The following C7 variants were observed in gnomAD, a reference collection of about 807,000 sequenced individuals.
C7 encodes the protein complement component C7.
C7 carries 83 observed loss-of-function variants against 104.8 expected under a neutral mutation model. The ratio of observed to expected loss-of-function variants is 0.79; its 90% CI spans 0.66 to 0.95. The LOEUF is 0.95. C7 is among the 40% of genes least tolerant of loss of function. The pLI is 0.00. For missense variants in C7, 1,070 were observed against 1,011.2 expected, an observed-to-expected ratio of 1.06 and a Z score of -0.79; for synonymous variants, 415 against 360.6, an observed-to-expected ratio of 1.15 and a Z score of -1.71.
rs1422867128 is a variant in C7, at chr5:40,910,796, AAAAAAAAAAC to A, written c.6+1190_6+1199del. 2.0e-5 allele frequency among the ~76,000 whole-genome samples: 3 copies of A among 149,236 alleles called. No individual in the cohort carries two copies. In the East Asian group the frequency reaches 5.8e-4, roughly 29 times the overall value. On this transcript the variant is annotated intron_variant, in intron 1 of 17. Transcript: ENST00000313164. ...AATAAGGTGAGACTCTCTCTCAAAA[AAAAAAAAAAC>A]AAAAAAAAAACAAGAAAAGAAAATG...
chr5:40,910,220 C>T (rs977817046), intron 1 of C7, among the ~76,000 whole-genome samples: 1 of 151,958 alleles, frequency 6.6e-6, no homozygotes, highest in African/African-American at 2.4e-5. Context: ...CAAAACACAA[C>T]CAAAAAGCTA....
At chr5:40,943,781 A>G (rs1739992608) in intron 6 of C7, among the ~76,000 whole-genome samples, 1 of 152,122 alleles carries the variant, frequency 6.6e-6, no homozygotes, top group African/African-American at 2.4e-5. Context: ...AACCAATTTC[A>G]TAATGTGATG....
At chr5:40,950,922 G>A (rs1245931197) in intron 9 of C7, among the ~76,000 whole-genome samples, 1 of 152,128 alleles carries the variant, frequency 6.6e-6, no homozygotes, top group Non-Finnish European at 1.5e-5. Flanking sequence ...TAGACTGTGA[G>A]GGTACCATGT....
chr5:40,926,687 A>G (rs1347175075), intron 1 of C7, among the ~76,000 whole-genome samples: 2 of 152,230 alleles, frequency 1.3e-5, no homozygotes, highest in Non-Finnish European at 2.9e-5. Context: ...TTTAGGAATA[A>G]ATTTAACCAA....
chr5:40,958,226 C>A lies in C7; in HGVS notation c.1454C>A (p.Ala485Glu). 1.2e-6 allele frequency: 2 copies of A among 1,611,178 alleles called. No individual in the cohort carries two copies. Among genetic ancestry groups the A allele is most frequent in the African/African-American group, 1.3e-5 (1 of 74,986 alleles). The change falls in exon 11 of 18, where the codon GCG becomes GAG. Residue 485 changes from alanine to glutamate, a missense_variant. Ala to Glu is a moderately radical substitution (Grantham distance 107). Coordinates refer to ENST00000313164, the MANE Select transcript of C7 (RefSeq NM_000587.4). ...CHCKPYTFGA[A>E]CEQGVLVGNQ... ...TGCAAACCGTACACATTTGGTGCGG[C>A]GTGTGAGCAAGGAGTCCTCGTAGGG...
chr5:40,949,201 A>C (rs1375355612), intron 8 of C7, among the ~76,000 whole-genome samples: 1 of 152,086 alleles, frequency 6.6e-6, no homozygotes, highest in Non-Finnish European at 1.5e-5. Context: ...TTTTCCTAAA[A>C]TTTTTATTTA....
intron 6 of C7, among the ~76,000 whole-genome samples, chr5:40,940,278 A>T (rs958633914): frequency 2.0e-5 from 3 of 152,192 alleles, no homozygotes; most frequent in Non-Finnish European, 4.4e-5. Context: ...TTGTCGAGTA[A>T]GCTACTTAAC....
intron 1 of C7, among the ~76,000 whole-genome samples, chr5:40,922,378 A>C (rs1739457661): frequency 7.5e-6 from 1 of 132,780 alleles, no homozygotes; most frequent in African/African-American, 3.4e-5. Context: ...CTGTCTCAAA[A>C]AAAAAAAAAA....
intron 15 of C7, 76 bp downstream of exon 15, chr5:40,972,670 C>G: frequency 8.6e-7 from 1 of 1,159,064 alleles, no homozygotes; most frequent in South Asian, 1.5e-5. Context: ...CTTCATGGTA[C>G]TGTATCACCA....
intron 3 of C7, 145 bp downstream of exon 3, chr5:40,931,284 T>C (rs1479817814): frequency 3.1e-6 from 2 of 640,074 alleles, no homozygotes; most frequent in Non-Finnish European, 2.8e-6. Context: ...GAGAAAAGTA[T>C]GACTTGTTTA....
In C7 at chr5:40,958,591, T is replaced by C. The variant is rs560119339; in HGVS notation, c.1489+330T>C. Among the ~76,000 whole-genome samples the C allele has an allele frequency of 4.6e-5, 7 of 152,362 alleles. No homozygotes were observed. The East Asian group carries it at 1.4e-3, about 29-fold the overall frequency. ...CAAAGGTCTGTGGAGCTTGTATATTTGCATTGCCTAATCTTTCTGATGGCA... is the reference window on the plus strand; with the variant it reads ...CAAAGGTCTGTGGAGCTTGTATATTCGCATTGCCTAATCTTTCTGATGGCA... On this transcript the variant is annotated intron_variant, in intron 11 of 17. Coordinates refer to ENST00000313164, the MANE Select transcript of C7 (RefSeq NM_000587.4).
In C7 at chr5:40,945,482, T is replaced by C. The variant is rs1168004846; in HGVS notation, c.738+114T>C. The stretch of plus-strand genomic sequence containing the variant: ...GCTTTCATATTAAAATTAGTAATAG[T>C]AATAGTACTTCCTTTAAGAGTCAAT... On this transcript the variant is annotated intron_variant, in intron 7 of 17. Transcript: ENST00000313164. 7.8e-6 allele frequency: 5 copies of C among 644,572 alleles called. No individual in the cohort carries two copies. In the Admixed American group the frequency reaches 1.1e-4, roughly 14 times the overall value. 39.9% of individuals were successfully genotyped at this position (644,572 alleles called of 1,614,324 possible).
intron 16 of C7, among the ~76,000 whole-genome samples, chr5:40,977,713 C>T (rs1335836194): frequency 6.6e-6 from 1 of 152,112 alleles, no homozygotes; most frequent in African/African-American, 2.4e-5. Context: ...AGCTAGAGGC[C>T]GAGGAAGTCC....
chr5:40,966,085 TTTTAA>T (rs1740545288), intron 14 of C7, among the ~76,000 whole-genome samples: 1 of 152,092 alleles, frequency 6.6e-6, no homozygotes, highest in Non-Finnish European at 1.5e-5. Flanking sequence ...TTTTCTTATT[TTTTAA>T]TTTAATTTAA....
intron 14 of C7, among the ~76,000 whole-genome samples, chr5:40,966,570 G>A (rs1459545024): frequency 6.6e-6 from 1 of 151,854 alleles, no homozygotes; most frequent in East Asian, 1.9e-4. Context: ...GTAGAGATGG[G>A]GTTTCACTCT....
Position 40,964,760 on chromosome 5 carries a change from C to T in C7, c.1769C>T (p.Pro590Leu), listed in dbSNP as rs1176163705. Residue 590 changes from proline (P) to leucine (L), a missense_variant, in exon 14 of 18, where the codon CCT (proline) becomes CTT (leucine). Transcript: ENST00000313164. Reference sequence around the variant, plus strand: ...GTTTAGGATGAAGGTACAATGTTTCCTGTGGGGAAAAATGTAGTGTACACT... The same window carrying T: ...GTTTAGGATGAAGGTACAATGTTTCTTGTGGGGAAAAATGTAGTGTACACT... Reference protein sequence around the residue: ...GFVQDEGTMFPVGKNVVYTCN... With the variant: ...GFVQDEGTMFLVGKNVVYTCN... 1 of 1,612,910 alleles carries T rather than the reference C, an allele frequency of 6.2e-7. No individual in the cohort carries two copies. Among genetic ancestry groups the T allele is most frequent in the East Asian group, 2.2e-5 (1 of 44,864 alleles).
rs753524794 is a variant in C7, at chr5:40,964,722, A to G, written c.1750-19A>G. On this transcript the variant is annotated intron_variant, in intron 13 of 17. Coordinates refer to ENST00000313164, the MANE Select transcript of C7 (RefSeq NM_000587.4). ...AAATAGACAAACTCTTTCCTTTTCC[A>G]TCTTTTACTTTTGTTTAGGATGAAG... 3 of 1,607,804 alleles carry G rather than the reference A, an allele frequency of 1.9e-6. No homozygotes were observed. Among genetic ancestry groups the G allele is most frequent in the Non-Finnish European group, 2.6e-6 (3 of 1,176,192 alleles).
At chr5:40,911,403 G>A (rs1334482493) in intron 1 of C7, among the ~76,000 whole-genome samples, 1 of 152,218 alleles carries the variant, frequency 6.6e-6, no homozygotes, top group Non-Finnish European at 1.5e-5. Flanking sequence ...TTCTTGGATA[G>A]GAAATAACTT....
chr5:40,980,956 T>C (rs1219632490), intron 17 of C7, among the ~76,000 whole-genome samples: 1 of 152,204 alleles, frequency 6.6e-6, no homozygotes, highest in African/African-American at 2.4e-5. Flanking sequence ...TTCTGGTTTG[T>C]TTTTTGGGAT....
Sources: allele counts gnomAD v4.1 joint callset (sites outside exome capture counted in the v4.1 genomes callset), GRCh38; gene constraint gnomAD v4.1.1; transcripts MANE v1.5; gene names NCBI Gene and HGNC (gene_info 2026-07-23, HGNC 2026-07-21).